CHDH: variants seen among roughly 807,000 people sequenced by gnomAD.
CHDH encodes choline dehydrogenase, mitochondrial.
Under a neutral mutation model 56.9 loss-of-function variants are expected in CHDH, and 43 were observed. The ratio of observed to expected loss-of-function variants is 0.76; its 90% CI spans 0.59 to 0.97. The LOEUF is 0.97. Among genes scored for constraint, CHDH ranks in the 50% least tolerant of loss-of-function variants. The pLI, the probability that CHDH is intolerant of heterozygous loss-of-function variation, is 0.00. For missense variants in CHDH, 816 were observed against 821.1 expected, an observed-to-expected ratio of 0.99 and a Z score of 0.08; for synonymous variants, 364 against 348.5, an observed-to-expected ratio of 1.04 and a Z score of -0.50.
chr3:53,835,539 G>C (rs964944598), intron 2 of CHDH, among the ~76,000 whole-genome samples: 3 of 152,242 alleles, frequency 2.0e-5, no homozygotes, highest in Non-Finnish European at 4.4e-5. Context: ...ATTTGCCAAA[G>C]GAGGATTCAG....
At chr3:53,824,810 T>C (rs943988917) in intron 2 of CHDH, among the ~76,000 whole-genome samples, 1 of 152,172 alleles carries the variant, frequency 6.6e-6, no homozygotes, top group Non-Finnish European at 1.5e-5. Context: ...GGATATGTCA[T>C]GAAAACCTCC....
In CHDH at chr3:53,819,336, A is replaced by G. The variant is rs1186126416; in HGVS notation, c.1263+196T>C. Among the ~76,000 whole-genome samples, 2 of 152,206 alleles carry G rather than the reference A, an allele frequency of 1.3e-5. No individual in the cohort carries two copies. The highest frequency in any genetic ancestry group is 4.8e-5 in the African/African-American group (2 of 41,450). The stretch of plus-strand genomic sequence containing the variant: ...TTCTGGTGCTCGGTACCTAGCCTGC[A>G]TGAAACAGTCATACCATTGGCATGC... On this transcript the variant is annotated intron_variant, in intron 7 of 8. Transcript: ENST00000315251. The surrounding 1 kb of genome is among the most constrained non-coding windows in gnomAD (Gnocchi z 5.4).
At chr3:53,834,747 A>T (rs1013474280) in intron 2 of CHDH, among the ~76,000 whole-genome samples, 1 of 152,196 alleles carries the variant, frequency 6.6e-6, no homozygotes, top group African/African-American at 2.4e-5. Context: ...TCCCAGCAGC[A>T]CTTTCTTCCT....
At chr3:53,840,046 T>C (rs1232657270) in intron 2 of CHDH, among the ~76,000 whole-genome samples, 1 of 152,086 alleles carries the variant, frequency 6.6e-6, no homozygotes, top group African/African-American at 2.4e-5. Context: ...GATGGGTAGT[T>C]ATCAGAGTTC....
Position 53,820,517 on chromosome 3 carries a change from C to G in CHDH, c.1077G>C (p.Leu359=). 6.2e-7 allele frequency: 1 copy of G among 1,614,042 alleles called. No homozygotes were observed. The highest frequency in any genetic ancestry group is 8.5e-7 in the Non-Finnish European group (1 of 1,179,950). ...PITLHSAQKP[L]RKVCIGLEWL... Reference sequence around the variant, plus strand: ...ACTCCAGACCAATGCAGACCTTCCGCAGGGGCTTCTGTGCTGAATGGAGGG... The same window carrying G: ...ACTCCAGACCAATGCAGACCTTCCGGAGGGGCTTCTGTGCTGAATGGAGGG... The change falls in exon 6 of 9, where the codon CTG becomes CTC. Residue 359 remains leucine, a synonymous_variant. Coordinates refer to ENST00000315251, the MANE Select transcript of CHDH (RefSeq NM_018397.5).
chr3:53,833,189 C>A (rs1698390379), intron 2 of CHDH, among the ~76,000 whole-genome samples: 1 of 152,238 alleles, frequency 6.6e-6, no homozygotes, highest in Non-Finnish European at 1.5e-5. Context: ...AAAACAGGAG[C>A]TTCGCCAGGG....
rs2095617575 is a variant in CHDH at position 53,817,335 on chromosome 3, A to G, written c.*442T>C. ...TACTGTGTGACTTACTGCCTCAGCTAAAGCTTGCAGCTCAAGAAGGAGGAT... is the reference window on the plus strand; with the variant it reads ...TACTGTGTGACTTACTGCCTCAGCTGAAGCTTGCAGCTCAAGAAGGAGGAT... On this transcript the variant is annotated 3_prime_UTR_variant, in exon 9 of 9. Coordinates refer to ENST00000315251, the MANE Select transcript of CHDH (RefSeq NM_018397.5). 1 of 168,486 alleles carries G rather than the reference A, an allele frequency of 5.9e-6. No individual in the cohort carries two copies. The highest frequency in any genetic ancestry group is 2.4e-5 in the African/African-American group (1 of 41,864). The allele number at this position is 168,486 out of a possible 1,614,324, so 10.4% of individuals were successfully genotyped here.
intron 8 of CHDH, 122 bp from the exon 9 acceptor site, chr3:53,818,317 C>A (rs1029302318): frequency 4.5e-6 from 4 of 892,986 alleles, no homozygotes; most frequent in South Asian, 1.8e-5. Flanking sequence ...GGACAAAGTT[C>A]AGGGCCATGG....
rs2095622894 is a variant in CHDH, at chr3:53,819,888, A to G, written c.1121-214T>C. ...AAAATGTCAGCTATTTGCCAAAAGG[A>G]TGGCATCAGCTCTGCTCTCTACCAG... On this transcript the variant is annotated intron_variant, in intron 6 of 8. Transcript: ENST00000315251. The surrounding 1 kb of genome is among the most constrained non-coding windows in gnomAD (Gnocchi z 5.4). Among the ~76,000 whole-genome samples the G allele has an allele frequency of 6.6e-6, 1 of 152,170 alleles. No homozygotes were observed. The highest frequency in any genetic ancestry group is 1.9e-4 in the East Asian group (1 of 5,186).
At chr3:53,842,785 T>C (rs1698714092) in intron 1 of CHDH, among the ~76,000 whole-genome samples, 1 of 152,062 alleles carries the variant, frequency 6.6e-6, no homozygotes, top group South Asian at 2.1e-4. Flanking sequence ...GGTCTTTCCC[T>C]CAAAGCAGGC....
chr3:53,830,359 G>A (rs973095633), intron 2 of CHDH, among the ~76,000 whole-genome samples: 1 of 150,840 alleles, frequency 6.6e-6, no homozygotes, highest in African/African-American at 2.5e-5. Context: ...AATATATTCA[G>A]CACACAAAAA....
intron 2 of CHDH, among the ~76,000 whole-genome samples, chr3:53,836,800 G>C (rs1433531815): frequency 6.6e-6 from 1 of 152,208 alleles, no homozygotes; most frequent in African/African-American, 2.4e-5. Context: ...CCAACAGAAG[G>C]CACCCCCTGG....
Position 53,821,638 on chromosome 3 carries a change from G to A in CHDH, c.985+9C>T. 2 of 1,612,608 alleles carry A rather than the reference G, an allele frequency of 1.2e-6. No individual in the cohort carries two copies. Among genetic ancestry groups the A allele is most frequent in the Non-Finnish European group, 1.7e-6 (2 of 1,178,764 alleles). On this transcript the variant is annotated intron_variant, in intron 5 of 8. Coordinates refer to ENST00000315251, the MANE Select transcript of CHDH (RefSeq NM_018397.5). ...CAGCCTCTGGGGAGCAGTAAAGAAG[G>A]GGACTCACCAGGTAGGTGGCACACC...
intron 4 of CHDH, among the ~76,000 whole-genome samples, chr3:53,822,028 T>A: frequency 6.6e-6 from 1 of 151,942 alleles, no homozygotes; most frequent in East Asian, 1.9e-4. Flanking sequence ...TTACACGAGA[T>A]AAATGAAAGC....
In CHDH at chr3:53,817,795, C is replaced by G; in HGVS notation, c.1767G>C (p.Thr589=). ...DKDVPVYKPR[T]LATQR is the part of the protein sequence containing the mutation. ...AACTGTCTTAGCGCTGGGTGGCCAG[C>G]GTCCTGGGCTTGTAGACAGGGACAT... is the stretch of plus-strand genomic sequence containing the variant. Residue 589 remains threonine, a synonymous_variant, in exon 9 of 9, where the codon ACG becomes ACC. Transcript: ENST00000315251. 1 of 1,605,192 alleles carries G rather than the reference C, an allele frequency of 6.2e-7. No individual in the cohort carries two copies. Among genetic ancestry groups the G allele is most frequent in the Non-Finnish European group, 8.5e-7 (1 of 1,175,138 alleles).
At chr3:53,818,867 C>A in intron 8 of CHDH, 71 bp downstream of exon 8, 1 of 945,004 alleles carries the variant, frequency 1.1e-6, no homozygotes. Flanking sequence ...GGGTATGATT[C>A]AGGGATAAAC....
At chr3:53,836,310 C>T (rs189645726) in intron 2 of CHDH, among the ~76,000 whole-genome samples, 2 of 152,234 alleles carry the variant, frequency 1.3e-5, no homozygotes, top group Non-Finnish European at 2.9e-5. Flanking sequence ...GCCCCCCAGG[C>T]CCTCTTGTCC....
chr3:53,813,161 C>T lies in CHDH; in HGVS notation c.*4616G>A, dbSNP rs1300371482. 5.6e-5 allele frequency: 5 copies of T among 89,916 alleles called. No homozygotes were observed. Among genetic ancestry groups the T allele is most frequent in the Non-Finnish European group, 1.2e-4 (5 of 43,204 alleles). The allele number at this position is 89,916 out of a possible 1,614,324, so 5.6% of individuals were successfully genotyped here. On this transcript the variant is annotated 3_prime_UTR_variant, in exon 9 of 9. Coordinates refer to ENST00000315251, the MANE Select transcript of CHDH (RefSeq NM_018397.5). ...TTTTTTTTTTTTTTTTTGTAAATAA[C>T]AAACACCACTTTGTTATGAAGACCT...
Position 53,837,178 on chromosome 3 carries a change from A to C in CHDH, c.-60+3751T>G, listed in dbSNP as rs528744064. On this transcript the variant is annotated intron_variant, in intron 2 of 8. Coordinates refer to ENST00000315251, the MANE Select transcript of CHDH (RefSeq NM_018397.5). ...CACTGTACTCCAGCATGGGCAATAG[A>C]GCAAGACCCTGTCTCTAAAAGAAAA... Among the ~76,000 whole-genome samples the C allele has an allele frequency of 1.8e-4, 27 of 152,164 alleles. 1 individual carries two copies. In the South Asian group the frequency reaches 5.6e-3, roughly 32 times the overall value.
Sources: allele counts gnomAD v4.1 joint callset (sites outside exome capture counted in the v4.1 genomes callset), GRCh38; gene constraint gnomAD v4.1.1; non-coding constraint Gnocchi (gnomAD v3.1); transcripts MANE v1.5; gene names NCBI Gene and HGNC (gene_info 2026-07-23, HGNC 2026-07-21).